The following SPMAP2L variants were observed in gnomAD, a reference collection of about 807,000 sequenced individuals.
SPMAP2L encodes the protein sperm microtubule associated protein 2-like.
chr4:56,564,285 C>T, the SPMAP2L span, among the ~76,000 whole-genome samples: 17 of 152,100 alleles, frequency 1.1e-4, no homozygotes, highest in East Asian at 1.2e-3. Context: ...AGGCACGGCA[C>T]GCACCACCAT....
At chr4:56,562,234 G>A in the SPMAP2L span, among the ~76,000 whole-genome samples, 1 of 151,932 alleles carries the variant, frequency 6.6e-6, no homozygotes, top group East Asian at 1.9e-4. Context: ...GGATCAAGGA[G>A]GAGAAAAAAG....
chr4:56,559,590 CAG>C, the SPMAP2L span: 1 of 1,387,918 alleles, frequency 7.2e-7, no homozygotes, highest in East Asian at 2.9e-5. Context: ...CTTTTTGAGA[CAG>C]AGTCTCACAC....
chr4:56,557,826 C>T, the SPMAP2L span: 1 of 152,080 alleles, frequency 6.6e-6, no homozygotes, highest in Non-Finnish European at 1.5e-5. Context: ...TTTTTATTTT[C>T]TTGATATTAC....
the SPMAP2L span, among the ~76,000 whole-genome samples, chr4:56,555,026 A>G: frequency 1.3e-5 from 2 of 148,790 alleles, no homozygotes; most frequent in African/African-American, 5.0e-5. Context: ...TGTGACTGCA[A>G]CCTCCCAGGT....
the SPMAP2L span, among the ~76,000 whole-genome samples, chr4:56,553,493 T>C: frequency 9.3e-6 from 1 of 108,006 alleles, no homozygotes; most frequent in African/African-American, 2.9e-5. Flanking sequence ...ATGCCTGTCC[T>C]ATTGCTTTTT....
the SPMAP2L span, among the ~76,000 whole-genome samples, chr4:56,611,617 C>G: frequency 6.6e-6 from 1 of 152,126 alleles, no homozygotes; most frequent in East Asian, 1.9e-4. Context: ...TCAGAATACA[C>G]AAATGAACAA....
At chr4:56,607,391 T>C in the SPMAP2L span, among the ~76,000 whole-genome samples, 2 of 152,182 alleles carry the variant, frequency 1.3e-5, no homozygotes, top group Non-Finnish European at 2.9e-5. Flanking sequence ...GAGAAATAAA[T>C]TTCTGTTCTT....
the SPMAP2L span, among the ~76,000 whole-genome samples, chr4:56,610,909 C>CT: frequency 1.3e-5 from 2 of 152,164 alleles, no homozygotes; most frequent in African/African-American, 4.8e-5. Flanking sequence ...CACCTTACTC[C>CT]TGAAAGGATG....
the SPMAP2L span, among the ~76,000 whole-genome samples, chr4:56,580,017 A>T: frequency 6.6e-6 from 1 of 152,186 alleles, no homozygotes; most frequent in Admixed American, 6.6e-5. Context: ...AAAATAATTA[A>T]CACCATTCCT....
the SPMAP2L span, among the ~76,000 whole-genome samples, chr4:56,542,355 T>C: frequency 2.0e-5 from 3 of 152,134 alleles, no homozygotes; most frequent in Non-Finnish European, 4.4e-5. Context: ...CCCAAACCAC[T>C]GCGTTGAGAG....
chr4:56,567,442 GT>G, the SPMAP2L span, among the ~76,000 whole-genome samples: 20,750 of 64,764 alleles, frequency 0.32, 2,804 homozygotes, highest in Non-Finnish European at 0.36. Flanking sequence ...AATTTTGGTG[GT>G]TTTTTTTTTT....
At chr4:56,596,512 A>T in the SPMAP2L span, 5 of 1,522,410 alleles carry the variant, frequency 3.3e-6, no homozygotes, top group Non-Finnish European at 4.4e-6. Context: ...GCAAACCAAG[A>T]TTTCACTTTC....
At chr4:56,546,854 C>T in the SPMAP2L span, among the ~76,000 whole-genome samples, 4 of 152,164 alleles carry the variant, frequency 2.6e-5, no homozygotes, top group African/African-American at 9.7e-5. Flanking sequence ...GGTGACAGCA[C>T]GGCTGGCTGT....
At chr4:56,586,519 C>G in the SPMAP2L span, among the ~76,000 whole-genome samples, 1 of 152,184 alleles carries the variant, frequency 6.6e-6, no homozygotes, top group Non-Finnish European at 1.5e-5. Context: ...TGGGCTTCAA[C>G]ATGTGAATTT....
At chr4:56,605,762 G>A in the SPMAP2L span, among the ~76,000 whole-genome samples, 1 of 152,056 alleles carries the variant, frequency 6.6e-6, no homozygotes, top group Non-Finnish European at 1.5e-5. Context: ...TAACTGATAA[G>A]GTACCAACAC....
chr4:56,563,763 G>C, the SPMAP2L span, among the ~76,000 whole-genome samples: 11 of 152,246 alleles, frequency 7.2e-5, no homozygotes, highest in Middle Eastern at 3.4e-3. Context: ...AGCATCCATA[G>C]ACATTATGTA....
chr4:56,531,023 G>A, the SPMAP2L span: 1 of 1,535,318 alleles, frequency 6.5e-7, no homozygotes, highest in Non-Finnish European at 8.7e-7. Context: ...CTCAAGGCCC[G>A]TGAACCCCGC....
At chr4:56,609,451 C>T in the SPMAP2L span, among the ~76,000 whole-genome samples, 176 of 152,228 alleles carry the variant, frequency 1.2e-3, 1 homozygote, top group African/African-American at 3.7e-3. Flanking sequence ...ATGATATTTA[C>T]GTGAGACTTT....
chr4:56,592,084 G>A, the SPMAP2L span, among the ~76,000 whole-genome samples: 14 of 152,186 alleles, frequency 9.2e-5, no homozygotes, highest in Non-Finnish European at 2.1e-4. Flanking sequence ...CACTACCTGA[G>A]TTCCACCTCC....
Sources: gnomAD v4.1 joint callset for allele counts (sites outside exome capture counted in the v4.1 genomes callset) on GRCh38, gnomAD v4.1.1 for gene constraint, MANE v1.5 for transcripts, NCBI Gene and HGNC (gene_info 2026-07-23, HGNC 2026-07-21) for gene names.